DSCAM: variants seen among roughly 807,000 people sequenced by gnomAD.
DSCAM encodes the protein cell adhesion molecule DSCAM.
Under a neutral mutation model 217.7 loss-of-function variants are expected in DSCAM, and 47 were observed. The observed-to-expected ratio is 0.22, with a 90% CI of 0.17 to 0.28. DSCAM has a LOEUF of 0.28. Ranked by LOEUF, DSCAM falls within the 10% of genes least tolerant of loss-of-function variation. The pLI, the probability that DSCAM is intolerant of heterozygous loss-of-function variation, is 1.00. For missense variants in DSCAM, 2,080 were observed against 2,618.3 expected (o/e 0.79, Z 4.49); for synonymous variants, 1,056 against 1,015.3 (o/e 1.04, Z -0.76).
chr21:40,041,585 C>T (rs547277749), intron 32 of DSCAM, among the ~76,000 whole-genome samples: 25 of 152,296 alleles, frequency 1.6e-4, no homozygotes, highest in East Asian at 1.2e-3. Context: ...ATGTCCGCCT[C>T]GCTCCTTTGA....
At chr21:40,127,384 A>G (rs1418915825) in intron 19 of DSCAM, among the ~76,000 whole-genome samples, 1 of 152,198 alleles carries the variant, frequency 6.6e-6, no homozygotes, top group Non-Finnish European at 1.5e-5. Flanking sequence ...TTTTCTTGAA[A>G]CATTCTTAGT....
intron 3 of DSCAM, among the ~76,000 whole-genome samples, chr21:40,474,147 G>A (rs1157421926): frequency 6.6e-6 from 1 of 152,052 alleles, no homozygotes; most frequent in African/African-American, 2.4e-5. Context: ...ACAACAATTA[G>A]CTGGGTGTGG....
intron 1 of DSCAM, among the ~76,000 whole-genome samples, chr21:40,799,606 C>G (rs986182170): frequency 1.3e-5 from 2 of 152,268 alleles, no homozygotes; most frequent in Middle Eastern, 3.4e-3. Context: ...TCTGATTTCC[C>G]TTTTTCAGCT....
At chr21:40,094,589 C>T (rs911663605) in intron 20 of DSCAM, among the ~76,000 whole-genome samples, 23 of 152,270 alleles carry the variant, frequency 1.5e-4, no homozygotes, top group Admixed American at 2.6e-4. Flanking sequence ...TTGGAGGTCA[C>T]GGTGCCTAAT....
intron 30 of DSCAM, among the ~76,000 whole-genome samples, chr21:40,047,439 C>T (rs1183284206): frequency 6.6e-6 from 1 of 152,200 alleles, no homozygotes; most frequent in Non-Finnish European, 1.5e-5. Context: ...TTCATGCCTG[C>T]TCAGCAGCCC....
chr21:40,610,962 A>G (rs2089305640), intron 3 of DSCAM, among the ~76,000 whole-genome samples: 2 of 152,176 alleles, frequency 1.3e-5, no homozygotes, highest in Admixed American at 6.5e-5. Context: ...CCCACAAAAT[A>G]TAACATGAGA....
Position 40,163,355 on chromosome 21 carries a change from AAAC to A in DSCAM, c.3018+3860_3018+3862del, listed in dbSNP as rs2090561179. Among the ~76,000 whole-genome samples, 5 of 152,246 alleles carry A rather than the reference AAAC, an allele frequency of 3.3e-5. No individual in the cohort carries two copies. In the South Asian group the frequency reaches 1.0e-3, roughly 31 times the overall value. ...AATATTCTTTCTGATTTTGAATCAG[AAAC>A]AAAACCTGCCATGAATTAAATTGTA... On this transcript the variant is annotated intron_variant, in intron 16 of 32. Transcript: ENST00000400454.
intron 1 of DSCAM, among the ~76,000 whole-genome samples, chr21:40,833,641 G>A (rs181023469): frequency 1.3e-5 from 2 of 152,292 alleles, no homozygotes; most frequent in East Asian, 3.9e-4. Flanking sequence ...CATAAGAAAA[G>A]AAAGAAAATA....
intron 3 of DSCAM, among the ~76,000 whole-genome samples, chr21:40,421,682 A>G (rs2075425799): frequency 6.6e-6 from 1 of 152,252 alleles, no homozygotes; most frequent in South Asian, 2.1e-4. Context: ...AGAGATAAAC[A>G]ACAGTATTAT....
At chr21:40,418,293 C>T (rs74715406) in intron 3 of DSCAM, among the ~76,000 whole-genome samples, 4,777 of 152,122 alleles carry the variant, frequency 0.031, 174 homozygotes, top group East Asian at 0.18. Flanking sequence ...ATTCAGTGAA[C>T]GTCCTCTAAA....
intron 9 of DSCAM, among the ~76,000 whole-genome samples, chr21:40,304,437 T>C (rs1021327159): frequency 3.9e-5 from 6 of 152,238 alleles, no homozygotes; most frequent in African/African-American, 1.4e-4. Context: ...AGCAACGAGG[T>C]TGTTTCACTT....
intron 3 of DSCAM, among the ~76,000 whole-genome samples, chr21:40,456,949 T>A (rs1329275296): frequency 6.6e-6 from 1 of 152,166 alleles, no homozygotes; most frequent in Non-Finnish European, 1.5e-5. Flanking sequence ...TCTGTGGAAA[T>A]TACTGTACAG....
chr21:40,455,432 A>T (rs1477961303), intron 3 of DSCAM, among the ~76,000 whole-genome samples: 1 of 152,200 alleles, frequency 6.6e-6, no homozygotes, highest in Non-Finnish European at 1.5e-5. Context: ...AATCAACCCA[A>T]AGAAACTAGA....
At chr21:40,402,829 T>C (rs2075248913) in intron 3 of DSCAM, among the ~76,000 whole-genome samples, 1 of 152,172 alleles carries the variant, frequency 6.6e-6, no homozygotes, top group African/African-American at 2.4e-5. Flanking sequence ...TACAAAGTTT[T>C]AAGGCTTAAT....
intron 11 of DSCAM, among the ~76,000 whole-genome samples, chr21:40,193,249 G>A (rs909306180): frequency 2.6e-5 from 4 of 152,140 alleles, no homozygotes; most frequent in African/African-American, 9.7e-5. Flanking sequence ...GAGGCTTACT[G>A]GCTGTAGAAA....
chr21:40,099,188 T>G (rs942346365), intron 20 of DSCAM, among the ~76,000 whole-genome samples: 2 of 152,224 alleles, frequency 1.3e-5, no homozygotes, highest in South Asian at 4.1e-4. Flanking sequence ...TCCATACTTA[T>G]CCTGTTGACA....
chr21:40,671,893 G>T (rs1285358063), intron 3 of DSCAM, among the ~76,000 whole-genome samples: 2 of 152,114 alleles, frequency 1.3e-5, no homozygotes, highest in African/African-American at 4.8e-5. Flanking sequence ...GTCATCTTAG[G>T]CTGCTGCAAA....
intron 3 of DSCAM, among the ~76,000 whole-genome samples, chr21:40,635,215 TAAA>T (rs2089741522): frequency 6.7e-6 from 1 of 149,922 alleles, no homozygotes; most frequent in African/African-American, 2.5e-5. Context: ...AAGGGGAAAA[TAAA>T]GAAGAGAAAG....
rs573381453 is a variant in DSCAM, at chr21:40,078,220, C to T, written c.4711+467G>A. Among the ~76,000 whole-genome samples, 41 of 152,296 alleles carry T rather than the reference C, an allele frequency of 2.7e-4. 1 individual carries two copies. Among genetic ancestry groups the T allele is most frequent in the African/African-American group, 9.4e-4 (39 of 41,564 alleles). ...TATCCTATTTCCATCAGTGGCCCTG[C>T]TCCTGCCCAGAGACTAACATAAGCT... On this transcript the variant is annotated intron_variant, in intron 26 of 32. Coordinates refer to ENST00000400454, the MANE Select transcript of DSCAM (RefSeq NM_001389.5).
Sources: allele counts gnomAD v4.1 joint callset (sites outside exome capture counted in the v4.1 genomes callset), GRCh38; gene constraint gnomAD v4.1.1; transcripts MANE v1.5; gene names NCBI Gene and HGNC (gene_info 2026-07-23, HGNC 2026-07-21).